The following EFCAB5 variants were observed in gnomAD, a reference collection of about 807,000 sequenced individuals.
EFCAB5 encodes EF-hand calcium binding domain 5.
In EFCAB5, 131 loss-of-function variants were observed where a neutral mutation model predicts 167.9. The ratio of observed to expected loss-of-function variants is 0.78; its 90% CI spans 0.68 to 0.90. EFCAB5 has a LOEUF of 0.90. EFCAB5 is among the 40% of genes least tolerant of loss of function. The probability of loss-of-function intolerance (pLI) is 0.00; values close to 1 mark genes in which losing one functional copy is unlikely to be tolerated. For synonymous variants in EFCAB5, 574 were observed against 602.8 expected (o/e 0.95, Z 0.70); for missense variants, 1,663 against 1,745.2 (o/e 0.95, Z 0.84).
At chr17:30,061,096 A>G (rs1289850292) in intron 14 of EFCAB5, among the ~76,000 whole-genome samples, 1 of 152,260 alleles carries the variant, frequency 6.6e-6, no homozygotes, top group Non-Finnish European at 1.5e-5. Flanking sequence ...AGGGACAGAT[A>G]GATAGCATAA....
intron 4 of EFCAB5, among the ~76,000 whole-genome samples, chr17:29,976,035 C>T (rs2151595982): frequency 6.6e-6 from 1 of 152,308 alleles, no homozygotes; most frequent in Non-Finnish European, 1.5e-5. Flanking sequence ...TTTCTGCTCA[C>T]CATCTGTTCT....
chr17:30,002,617 G>A (rs1437620913), intron 7 of EFCAB5, among the ~76,000 whole-genome samples: 1 of 152,170 alleles, frequency 6.6e-6, no homozygotes, highest in Non-Finnish European at 1.5e-5. Context: ...CTCAAGATGA[G>A]AAGAAAAGTC....
chr17:30,107,848 G>T lies in EFCAB5; in HGVS notation c.4336G>T (p.Glu1446Ter). 1 of 1,572,698 alleles carries T rather than the reference G, an allele frequency of 6.4e-7. No homozygotes were observed. The highest frequency in any genetic ancestry group is 8.6e-7 in the Non-Finnish European group (1 of 1,165,318). Residue 1446 changes from glutamate (E) to a stop codon, truncating the protein, a stop_gained, in exon 23 of 23, where the codon GAA becomes TAA. Coordinates refer to ENST00000394835, the MANE Select transcript of EFCAB5 (RefSeq NM_198529.4). LOFTEE classifies it low-confidence loss of function (END_TRUNC). Reference sequence around the variant, plus strand: ...TCCTGATGCAGATCATTCCCGAACTGAAGTATGGAAATTTGGTAATGTTGT... The same window carrying T: ...TCCTGATGCAGATCATTCCCGAACTTAAGTATGGAAATTTGGTAATGTTGT... ...DEYIRDHSRT[E>*]VWKFGNVVIE...
At chr17:29,960,535 G>A (rs538411575) in intron 3 of EFCAB5, among the ~76,000 whole-genome samples, 5 of 152,204 alleles carry the variant, frequency 3.3e-5, no homozygotes, top group East Asian at 3.9e-4. Flanking sequence ...CTATCAACCC[G>A]TCACCTAGGT....
intron 3 of EFCAB5, among the ~76,000 whole-genome samples, chr17:29,963,141 T>G (rs1282364773): frequency 1.3e-5 from 2 of 151,900 alleles, no homozygotes; most frequent in Non-Finnish European, 2.9e-5. Context: ...AGGATCTCAC[T>G]ATGTTACCCA....
intron 21 of EFCAB5, among the ~76,000 whole-genome samples, chr17:30,092,536 C>T (rs772046272): frequency 6.6e-6 from 1 of 152,038 alleles, no homozygotes; most frequent in African/African-American, 2.4e-5. Context: ...TACAGGTGCC[C>T]GCCACCACGC....
chr17:30,084,647 A>G (rs571718709), intron 18 of EFCAB5, among the ~76,000 whole-genome samples: 27 of 152,242 alleles, frequency 1.8e-4, no homozygotes, highest in South Asian at 8.3e-4. Context: ...TCAAGCACTC[A>G]ACGATCATAA....
At chr17:29,975,572 T>C (rs890679882) in intron 4 of EFCAB5, among the ~76,000 whole-genome samples, 3 of 152,190 alleles carry the variant, frequency 2.0e-5, no homozygotes, top group African/African-American at 7.2e-5. Context: ...ACACTCAAAT[T>C]TATAATTTCT....
upstream of EFCAB5, among the ~76,000 whole-genome samples, chr17:29,937,910 T>G (rs2067259329): frequency 6.6e-6 from 1 of 152,210 alleles, no homozygotes; most frequent in Admixed American, 6.5e-5. Flanking sequence ...CTGAAAAACC[T>G]GGATATTCCT....
chr17:30,093,569 T>A (rs150608592), intron 22 of EFCAB5, among the ~76,000 whole-genome samples: 2,515 of 152,324 alleles, frequency 0.017, 56 homozygotes, highest in African/African-American at 0.054. Flanking sequence ...GCTCTCCTAC[T>A]ATCTGTGGAG....
chr17:29,951,531 T>A (rs79999613), intron 3 of EFCAB5, among the ~76,000 whole-genome samples: 59,938 of 150,462 alleles, frequency 0.4, 13,908 homozygotes, highest in East Asian at 0.69. Context: ...TTTTATTTTT[T>A]TTTTTAGTAG....
At position 29,932,675 on chromosome 17, in the gene EFCAB5, C is replaced by T. The variant is rs144318119; in HGVS notation, c.-127+3346C>T. Among the ~76,000 whole-genome samples, 1,141 of 152,138 alleles carry T rather than the reference C, an allele frequency of 7.5e-3. 21 individuals are homozygous for T. Among genetic ancestry groups the T allele is most frequent in the African/African-American group, 0.026 (1,085 of 41,490 alleles). On this transcript the variant is annotated intron_variant, in intron 1 of 3. Transcript: ENST00000448319. ...GTTTCACCATGTTGGTCAGGCTGGT[C>T]TCGAACTCCTGACCCCAGATGATCC...
chr17:30,051,852 T>G (rs548217997), intron 9 of EFCAB5, among the ~76,000 whole-genome samples: 42 of 152,230 alleles, frequency 2.8e-4, no homozygotes, highest in Non-Finnish European at 5.6e-4. Flanking sequence ...AATGCCCAAC[T>G]TAAAATTATA....
intron 17 of EFCAB5, among the ~76,000 whole-genome samples, chr17:30,082,381 T>G (rs1350105937): frequency 6.7e-6 from 1 of 150,128 alleles, no homozygotes; most frequent in East Asian, 1.9e-4. Context: ...GGTCTCTCTC[T>G]TTATACCTCT....
intron 14 of EFCAB5, among the ~76,000 whole-genome samples, chr17:30,067,163 G>A (rs2151811153): frequency 6.6e-6 from 1 of 152,244 alleles, no homozygotes; most frequent in South Asian, 2.1e-4. Context: ...CATTCTATGA[G>A]GCCAGCATTA....
intron 7 of EFCAB5, among the ~76,000 whole-genome samples, chr17:30,030,805 C>T (rs1405385096): frequency 1.3e-5 from 2 of 151,988 alleles, no homozygotes; most frequent in African/African-American, 4.8e-5. Flanking sequence ...AAGCGTGCAC[C>T]ACCACTCTTG....
chr17:30,035,676 A>G (rs186542733), intron 8 of EFCAB5, among the ~76,000 whole-genome samples: 1 of 152,312 alleles, frequency 6.6e-6, no homozygotes, highest in African/African-American at 2.4e-5. Flanking sequence ...TATAAGAGTT[A>G]TTCTAACAAG....
intron 4 of EFCAB5, among the ~76,000 whole-genome samples, chr17:29,990,894 A>T (rs1320284478): frequency 1.3e-5 from 2 of 152,064 alleles, no homozygotes; most frequent in South Asian, 4.2e-4. Flanking sequence ...GAAAAGAAAG[A>T]TCTGGAGGGT....
In EFCAB5 at chr17:29,993,351, T is replaced by G; in HGVS notation, c.924+30T>G. 6 of 1,595,174 alleles carry G rather than the reference T, an allele frequency of 3.8e-6. No individual in the cohort carries two copies. The Middle Eastern group carries it at 6.7e-4, about 178-fold the overall frequency. ...GAAAATTGGGGGTATATGTGAAAGG[T>G]AGGTGGGGTAAGTGGTAAAAGGGCA... is the stretch of plus-strand genomic sequence containing the variant. On this transcript the variant is annotated intron_variant, in intron 5 of 22. Transcript: ENST00000394835.
Sources: gnomAD v4.1 joint callset for allele counts (sites outside exome capture counted in the v4.1 genomes callset) on GRCh38, gnomAD v4.1.1 for gene constraint, MANE v1.5 for transcripts, NCBI Gene and HGNC (gene_info 2026-07-23, HGNC 2026-07-21) for gene names.